The following SMARCC1 variants were observed in gnomAD, a reference collection of about 807,000 sequenced individuals.
SMARCC1 encodes SWI/SNF related BAF chromatin remodeling complex subunit C1, also known as SWI/SNF complex subunit SMARCC1.
A neutral mutation model predicts 147.4 loss-of-function variants in SMARCC1; 43 were observed. That is an observed-to-expected ratio of 0.29 (90% CI 0.23 to 0.38). The LOEUF (loss-of-function observed/expected upper bound fraction) is 0.38. Ranked by LOEUF, SMARCC1 falls within the 10% of genes least tolerant of loss-of-function variation. The probability of loss-of-function intolerance (pLI) is 1.00; values close to 1 mark genes in which losing one functional copy is unlikely to be tolerated. For synonymous variants in SMARCC1, 495 were observed against 484.4 expected (o/e 1.02, Z -0.29); for missense variants, 1,119 against 1,381.1 (o/e 0.81, Z 3.01).
chr3:47,722,228 C>A (rs1476317884), intron 6 of SMARCC1, among the ~76,000 whole-genome samples: 2 of 151,098 alleles, frequency 1.3e-5, no homozygotes, highest in Non-Finnish European at 2.9e-5. Flanking sequence ...AAAGACTATG[C>A]ACCTTTATGA....
At chr3:47,711,848 A>C (rs528392771) in intron 8 of SMARCC1, among the ~76,000 whole-genome samples, 1 of 152,362 alleles carries the variant, frequency 6.6e-6, no homozygotes, top group East Asian at 1.9e-4. Flanking sequence ...AAGACAAATA[A>C]AGCCTCCAAT....
chr3:47,653,972 A>G (rs1415613864), intron 21 of SMARCC1, among the ~76,000 whole-genome samples: 1 of 152,248 alleles, frequency 6.6e-6, no homozygotes, highest in Admixed American at 6.5e-5. Flanking sequence ...CTAATGAATC[A>G]GGAGAATCCA....
rs773785959 is a variant in SMARCC1 at position 47,636,130 on chromosome 3, T to A, written c.2383A>T (p.Asn795Tyr). The change falls in exon 23 of 28, where the codon AAT (asparagine) becomes TAT (tyrosine). Residue 795 changes from asparagine to tyrosine, a missense_variant. Around this residue, in one of 6 missense-constraint regions of SMARCC1, gnomAD observed 157 missense variants for 158.6 expected, o/e 0.99. Coordinates refer to ENST00000254480, the MANE Select transcript of SMARCC1 (RefSeq NM_003074.4). ...PDGQQPEKAENKVENETDEGD... is the reference protein window; with the variant it reads ...PDGQQPEKAEYKVENETDEGD... Reference sequence around the variant, plus strand: ...TCATCCGTTTCATTTTCCACTTTATTTTCTGCCTGAAAGGGATATAAAACA... The same window carrying A: ...TCATCCGTTTCATTTTCCACTTTATATTCTGCCTGAAAGGGATATAAAACA... The A allele has an allele frequency of 1.3e-6, 2 of 1,586,518 alleles. No homozygotes were observed. The highest frequency in any genetic ancestry group is 2.2e-5 in the South Asian group (2 of 89,886).
intron 26 of SMARCC1, among the ~76,000 whole-genome samples, chr3:47,605,484 A>G (rs1013562692): frequency 6.6e-6 from 1 of 152,218 alleles, no homozygotes; most frequent in African/African-American, 2.4e-5. Flanking sequence ...GGAAGAAGCC[A>G]GATGTGGCCG....
At chr3:47,720,777 T>C (rs1242027320) in intron 6 of SMARCC1, 42 bp from the exon 7 acceptor site, 1 of 1,362,004 alleles carries the variant, frequency 7.3e-7, no homozygotes, top group Admixed American at 2.0e-5. Context: ...ACTGACAAAA[T>C]AATAAAGAAA....
At chr3:47,615,486 T>C (rs895924750) in intron 25 of SMARCC1, among the ~76,000 whole-genome samples, 6 of 152,324 alleles carry the variant, frequency 3.9e-5, no homozygotes, top group Non-Finnish European at 7.3e-5. Flanking sequence ...TCCAGGAATC[T>C]TACCTTGATA....
intron 24 of SMARCC1, among the ~76,000 whole-genome samples, chr3:47,627,917 C>T (rs2032835615): frequency 6.6e-6 from 1 of 151,952 alleles, no homozygotes; most frequent in South Asian, 2.1e-4. Flanking sequence ...GAGACATGAT[C>T]TCTCTCTGTT....
chr3:47,774,878 C>G (rs58781106), intron 1 of SMARCC1, among the ~76,000 whole-genome samples: 2,026 of 151,868 alleles, frequency 0.013, 46 homozygotes, highest in African/African-American at 0.046. Context: ...GTAATGACAG[C>G]CACCGCAGCC....
At chr3:47,759,918 C>CAA (rs1372279239) in intron 2 of SMARCC1, among the ~76,000 whole-genome samples, 1 of 151,810 alleles carries the variant, frequency 6.6e-6, no homozygotes. Context: ...GCCTGGGCAA[C>CAA]AAAAGCGAGA....
chr3:47,650,411 T>A (rs949488884), intron 21 of SMARCC1, among the ~76,000 whole-genome samples: 1 of 151,718 alleles, frequency 6.6e-6, no homozygotes, highest in African/African-American at 2.4e-5. Flanking sequence ...CACTGTGCTA[T>A]CCTATCAATG....
At chr3:47,593,331 C>T (rs970580864) in intron 26 of SMARCC1, among the ~76,000 whole-genome samples, 1 of 151,606 alleles carries the variant, frequency 6.6e-6, no homozygotes, top group East Asian at 1.9e-4. Flanking sequence ...GCCACCATAC[C>T]CGGATAATTT....
At chr3:47,653,799 A>T (rs895181385) in intron 21 of SMARCC1, among the ~76,000 whole-genome samples, 1 of 152,192 alleles carries the variant, frequency 6.6e-6, no homozygotes, top group Non-Finnish European at 1.5e-5. Flanking sequence ...CTGTTGCTGC[A>T]ATTAGTGAGT....
At chr3:47,736,999 T>C (rs2034452018) in intron 4 of SMARCC1, among the ~76,000 whole-genome samples, 4 of 152,144 alleles carry the variant, frequency 2.6e-5, no homozygotes, top group African/African-American at 7.2e-5. Flanking sequence ...ATAATACATT[T>C]AGAGAAATAA....
intron 23 of SMARCC1, 132 bp downstream of exon 23, chr3:47,635,890 T>C: frequency 1.7e-6 from 1 of 590,510 alleles, no homozygotes; most frequent in African/African-American, 1.9e-5. Context: ...TGAAACTCAA[T>C]TACATACTTA....
chr3:47,758,519 G>A (rs1168241023), intron 2 of SMARCC1, among the ~76,000 whole-genome samples: 1 of 152,008 alleles, frequency 6.6e-6, no homozygotes, highest in Non-Finnish European at 1.5e-5. Flanking sequence ...TAACACAACA[G>A]GGTACCATCT....
chr3:47,722,852 T>C (rs1448164357), intron 6 of SMARCC1, among the ~76,000 whole-genome samples: 2 of 152,054 alleles, frequency 1.3e-5, no homozygotes, highest in Non-Finnish European at 2.9e-5. Flanking sequence ...GGCATCACAA[T>C]AGTCAAGAGG....
chr3:47,739,066 T>C (rs1415686296), intron 3 of SMARCC1, among the ~76,000 whole-genome samples: 1 of 152,246 alleles, frequency 6.6e-6, no homozygotes, highest in African/African-American at 2.4e-5. Flanking sequence ...CCTTACTTTT[T>C]ATTCAATACC....
intron 3 of SMARCC1, 144 bp from the exon 4 acceptor site, chr3:47,738,254 AC>A (rs2034469113): frequency 5.3e-6 from 3 of 564,902 alleles, no homozygotes; most frequent in Non-Finnish European, 9.5e-6. Flanking sequence ...TCTCTCAGTA[AC>A]ATAAGAATAC....
At chr3:47,757,796 AAAAG>A (rs894294023) in intron 2 of SMARCC1, among the ~76,000 whole-genome samples, 197 of 151,538 alleles carry the variant, frequency 1.3e-3, no homozygotes, top group African/African-American at 4.4e-3. Context: ...AAAAAAAAAA[AAAAG>A]AAAGAAAGAA....
Sources: allele counts gnomAD v4.1 joint callset (sites outside exome capture counted in the v4.1 genomes callset), GRCh38; gene constraint gnomAD v4.1.1; regional missense constraint gnomAD v4.1.1; transcripts MANE v1.5; gene names NCBI Gene and HGNC (gene_info 2026-07-23, HGNC 2026-07-21).